SYNE1: variants seen among roughly 807,000 people sequenced by gnomAD.
The protein encoded by SYNE1 is spectrin repeat containing nuclear envelope protein 1.
SYNE1 carries 616 observed loss-of-function variants against 1,111.0 expected under a neutral mutation model. The observed-to-expected ratio is 0.55, with a 90% CI of 0.52 to 0.59. The LOEUF (loss-of-function observed/expected upper bound fraction) is 0.59. Ranked by LOEUF, SYNE1 falls within the 20% of genes least tolerant of loss-of-function variation. SYNE1 has a pLI of 0.00. For missense variants in SYNE1, 10,006 were observed against 10,417.0 expected (o/e 0.96, Z 1.72); for synonymous variants, 3,855 against 3,825.8 (o/e 1.01, Z -0.28).
At chr6:152,279,152 T>C (rs1434848531) in intron 97 of SYNE1, among the ~76,000 whole-genome samples, 8 of 145,874 alleles carry the variant, frequency 5.5e-5, no homozygotes, top group African/African-American at 1.2e-4. Flanking sequence ...CTTTTCTTTT[T>C]TTTTTTTTTT....
At chr6:152,636,144 A>G (rs897455400) in intron 2 of SYNE1, among the ~76,000 whole-genome samples, 3 of 152,178 alleles carry the variant, frequency 2.0e-5, no homozygotes, top group African/African-American at 7.2e-5. Context: ...GCACCATGAC[A>G]GCGCCGCTGG....
At chr6:152,251,484 C>T (rs1401918186) in intron 104 of SYNE1, among the ~76,000 whole-genome samples, 2 of 151,946 alleles carry the variant, frequency 1.3e-5, no homozygotes, top group Non-Finnish European at 2.9e-5. Context: ...GCAGGCCGGG[C>T]GCGGTGGCTC....
chr6:152,165,495 T>A (rs2673785), intron 130 of SYNE1, among the ~76,000 whole-genome samples: 108,808 of 151,704 alleles, frequency 0.72, 39,429 homozygotes, highest in Admixed American at 0.79. Flanking sequence ...AATTAATAAT[T>A]CTTCTATTTG....
Position 152,141,389 on chromosome 6 carries a change from C to T in SYNE1, c.25120-60G>A, listed in dbSNP as rs73780335. 4.9e-3 allele frequency: 7,873 copies of T among 1,605,506 alleles called. 332 individuals are homozygous for T. In the African/African-American group the frequency reaches 0.094, roughly 19 times the overall value. ...AAATCTTCATGAGTGCAAAAGCTTC[C>T]GGGGAAAATCTCTTTGTAATTTCTC... is the stretch of plus-strand genomic sequence containing the variant. On this transcript the variant is annotated intron_variant, in intron 138 of 145. Transcript: ENST00000367255.
chr6:152,245,478 A>G (rs962008243), intron 105 of SYNE1, among the ~76,000 whole-genome samples: 1 of 152,202 alleles, frequency 6.6e-6, no homozygotes, highest in Non-Finnish European at 1.5e-5. Context: ...CAGCTGAAAC[A>G]CATGTGTCCA....
intron 29 of SYNE1, among the ~76,000 whole-genome samples, chr6:152,446,395 A>G (rs1306315785): frequency 6.6e-6 from 1 of 152,152 alleles, no homozygotes; most frequent in Non-Finnish European, 1.5e-5. Flanking sequence ...AAAAACTCAT[A>G]GGGAAACTCT....
intron 98 of SYNE1, among the ~76,000 whole-genome samples, chr6:152,275,618 G>A (rs943631555): frequency 3.3e-5 from 5 of 151,908 alleles, no homozygotes; most frequent in Non-Finnish European, 7.4e-5. Context: ...GGTAGCTCAC[G>A]CCTATAATCT....
At chr6:152,529,283 A>C (rs1418583606) in intron 4 of SYNE1, among the ~76,000 whole-genome samples, 1 of 152,240 alleles carries the variant, frequency 6.6e-6, no homozygotes, top group Non-Finnish European at 1.5e-5. Flanking sequence ...TGTCATAATT[A>C]CTTTATGCAT....
chr6:152,412,444 A>G (rs1490540154), intron 42 of SYNE1, among the ~76,000 whole-genome samples: 3 of 151,682 alleles, frequency 2.0e-5, no homozygotes, highest in Admixed American at 2.0e-4. Flanking sequence ...AAAAAAAATG[A>G]ATCAGCTATT....
rs145872021 is a variant in SYNE1, at chr6:152,243,789, T to C, written c.19692+748A>G. On this transcript the variant is annotated intron_variant, in intron 106 of 145. Transcript: ENST00000367255. ...TTCTGCACACAGAGAAAATCTAACA[T>C]GTGTGTCTGTGTGACTGTACACAGT... 4.3e-3 allele frequency among the ~76,000 whole-genome samples: 650 copies of C among 152,354 alleles called. 2 individuals carry two copies. Among genetic ancestry groups the C allele is most frequent in the African/African-American group, 0.015 (620 of 41,580 alleles).
rs1211154219 is a variant in SYNE1 at position 152,347,248 on chromosome 6, A to G, written c.11902-13T>C. The G allele has an allele frequency of 2.5e-6, 4 of 1,614,068 alleles. No individual in the cohort carries two copies. In the Admixed American group the frequency reaches 5.0e-5, roughly 20 times the overall value. ...CTTCCATCATTGCCTGCAAAAGTGA[A>G]ACCAATACAGAGTTTTCAGAATTCT... On this transcript the variant is annotated splice_polypyrimidine_tract_variant and intron_variant, in intron 72 of 145. Coordinates refer to ENST00000367255, the MANE Select transcript of SYNE1 (RefSeq NM_182961.4).
At chr6:152,493,390 C>G (rs2098981933) in intron 11 of SYNE1, among the ~76,000 whole-genome samples, 2 of 152,148 alleles carry the variant, frequency 1.3e-5, no homozygotes, top group African/African-American at 4.8e-5. Flanking sequence ...TTACACCCTT[C>G]ATCCCAGCCT....
rs149165706 is a variant in SYNE1 at position 152,391,514 on chromosome 6, G to A, written c.7767C>T (p.His2589=). The A allele has an allele frequency of 2.7e-5, 43 of 1,603,320 alleles. No homozygotes were observed. The African/African-American group carries it at 2.7e-4, about 10-fold the overall frequency. Residue 2589 remains histidine, a synonymous_variant, in exon 52 of 146, where the codon CAC becomes CAT. Coordinates refer to ENST00000367255, the MANE Select transcript of SYNE1 (RefSeq NM_182961.4). ...QRGQLLSEEG[H]GAGQEGRLCS... is the part of the protein sequence containing the mutation. ...ACAGGCGGCCCTCCTGCCCAGCACC[G>A]TGGCCTTCTTCACTCAGAAGCTGCC...
Position 152,294,268 on chromosome 6 carries a change from C to G in SYNE1, c.17683-141G>C, listed in dbSNP as rs1394956695. 3.7e-6 allele frequency: 3 copies of G among 816,286 alleles called. No homozygotes were observed. The African/African-American group carries it at 5.1e-5, about 14-fold the overall frequency. 50.6% of individuals were successfully genotyped at this position (816,286 alleles called of 1,614,324 possible). A position where few individuals can be genotyped will look rare whatever the true frequency, so the allele number is the denominator to read the frequency against. ...CACTACAAACTAGTAAATTAGTAAA[C>G]TCTTGTGACAAGAAAAATGTAAAGA... On this transcript the variant is annotated intron_variant, in intron 93 of 145. Transcript: ENST00000367255.
At chr6:152,456,573 T>C (rs2098697761) in intron 22 of SYNE1, 2 of 297,330 alleles carry the variant, frequency 6.7e-6, no homozygotes, top group Admixed American at 9.1e-5. Context: ...AATGGTAGGG[T>C]TCAGATCCTA....
intron 117 of SYNE1, among the ~76,000 whole-genome samples, chr6:152,223,043 C>T (rs771604732): frequency 3.9e-5 from 6 of 152,186 alleles, no homozygotes; most frequent in South Asian, 2.1e-4. Context: ...CTACAAAAAT[C>T]GAGTACTGTT....
At position 152,218,423 on chromosome 6, in the gene SYNE1, A is replaced by G; in HGVS notation, c.22045-20T>C. The G allele has an allele frequency of 1.9e-6, 3 of 1,592,390 alleles. No individual in the cohort carries two copies. The highest frequency in any genetic ancestry group is 2.6e-6 in the Non-Finnish European group (3 of 1,174,150). On this transcript the variant is annotated intron_variant, in intron 120 of 145. Coordinates refer to ENST00000367255, the MANE Select transcript of SYNE1 (RefSeq NM_182961.4). The stretch of plus-strand genomic sequence containing the variant: ...TCCAGCCTTTTTTTCCACAAAAGAA[A>G]TTGGTATTTCAGTTAAAAAAAAAAA...
rs770327532 is a variant in SYNE1, at chr6:152,148,337, C to A, written c.24684G>T (p.Glu8228Asp). ...CCGACAGAGCTGCAGAGTCTTCCAG[C>A]TCCAGCTCCCTGTCTGAGAGGTCGT... is the stretch of plus-strand genomic sequence containing the variant. Reference protein sequence around the residue: ...DEHDLSDRELELEDSAALSDL... With the variant: ...DEHDLSDRELDLEDSAALSDL... The change falls in exon 137 of 146, where the codon GAG becomes GAT. Residue 8228 changes from glutamate (E) to aspartate (D), a missense_variant. Coordinates refer to ENST00000367255, the MANE Select transcript of SYNE1 (RefSeq NM_182961.4). This position sits in a 1 kb window ranked among gnomAD's most constrained non-coding sequence, Gnocchi z 4.1. The A allele has an allele frequency of 6.2e-6, 10 of 1,614,040 alleles. No individual in the cohort carries two copies. The East Asian group carries it at 1.8e-4, about 29-fold the overall frequency.
rs762422242 is a variant in SYNE1 at position 152,308,503 on chromosome 6, T to C, written c.17332A>G (p.Ile5778Val). Reference sequence around the variant, plus strand: ...ATTCCTCTCACCTCATGCCGAGAAATCTGAGCCTGCAGCTCCTGTATGTTA... The same window carrying C: ...ATTCCTCTCACCTCATGCCGAGAAACCTGAGCCTGCAGCTCCTGTATGTTA... The part of the protein sequence containing the change: ...TSNIQELQAQ[I>V]SRHEELAQKI... The change falls in exon 91 of 146, where the codon ATT becomes GTT. Residue 5778 changes from isoleucine (I) to valine (V), a missense_variant. Physicochemically the swap from Ile to Val is conservative, Grantham distance 29 (BLOSUM62 3). Around this residue, in one of 7 missense-constraint regions of SYNE1, gnomAD observed 4,955 missense variants for 5,017.2 expected, o/e 0.99. Coordinates refer to ENST00000367255, the MANE Select transcript of SYNE1 (RefSeq NM_182961.4). 6 of 1,614,050 alleles carry C rather than the reference T, an allele frequency of 3.7e-6. No homozygotes were observed. The Admixed American group carries it at 1.0e-4, about 27-fold the overall frequency.
Sources: gnomAD v4.1 joint callset for allele counts (sites outside exome capture counted in the v4.1 genomes callset) on GRCh38, gnomAD v4.1.1 for gene constraint, gnomAD v4.1.1 regional missense constraint, Gnocchi (gnomAD v3.1) non-coding constraint, MANE v1.5 for transcripts, NCBI Gene and HGNC (gene_info 2026-07-23, HGNC 2026-07-21) for gene names.